The following CRBN variants were observed in gnomAD, a reference collection of about 807,000 sequenced individuals.
CRBN encodes cereblon.
Under a neutral mutation model 62.2 loss-of-function variants are expected in CRBN, and 53 were observed. The observed-to-expected ratio is 0.85, with a 90% CI of 0.68 to 1.07. The LOEUF is 1.07. Among genes scored for constraint, CRBN ranks in the 50% least tolerant of loss-of-function variants. The pLI, the probability that CRBN is intolerant of heterozygous loss-of-function variation, is 0.00. For synonymous variants in CRBN, 208 were observed against 176.1 expected (o/e 1.18, Z -1.43); for missense variants, 616 against 531.1 (o/e 1.16, Z -1.57).
In CRBN at chr3:3,150,363, T is replaced by C. The variant is rs1347462869; in HGVS notation, c.*502A>G. On this transcript the variant is annotated 3_prime_UTR_variant, in exon 11 of 11. Transcript: ENST00000231948. ...AAGAAAATGGAAAGGAACAAAGCCC[T>C]TTTAGAATAATTAATATACATTGCC... 1 of 151,544 alleles carries C rather than the reference T, an allele frequency of 6.6e-6. No homozygotes were observed. Among genetic ancestry groups the C allele is most frequent in the Non-Finnish European group, 1.5e-5 (1 of 68,212 alleles). 9.4% of individuals were successfully genotyped at this position (151,544 alleles called of 1,614,324 possible). A position where few individuals can be genotyped will look rare whatever the true frequency, so the allele number is the denominator to read the frequency against.
intron 4 of CRBN, among the ~76,000 whole-genome samples, chr3:3,168,355 T>C (rs141941679): frequency 6.6e-6 from 1 of 152,306 alleles, no homozygotes; most frequent in Non-Finnish European, 1.5e-5. Flanking sequence ...AGTTTAACTG[T>C]ACAAAGGATC....
rs764919339 is a variant in CRBN, at chr3:3,152,170, A to AGAC, written c.1148+283_1148+285dup. 7.9e-4 allele frequency among the ~76,000 whole-genome samples: 118 copies of AGAC among 150,062 alleles called. 2 individuals carry two copies. Among genetic ancestry groups the AGAC allele is most frequent in the Non-Finnish European group, 1.1e-3 (77 of 67,416 alleles). On this transcript the variant is annotated intron_variant, in intron 10 of 10. Coordinates refer to ENST00000231948, the MANE Select transcript of CRBN (RefSeq NM_016302.4). ...AATAAATTTTTTTTTTTTTTTAAAT[A>AGAC]GACAGATTCTCACTCTGTCACCCAG... is the stretch of plus-strand genomic sequence containing the variant.
chr3:3,174,456 C>A (rs781636077), intron 2 of CRBN, among the ~76,000 whole-genome samples, 195 bp from the exon 3 acceptor site: 1 of 152,042 alleles, frequency 6.6e-6, no homozygotes, highest in African/African-American at 2.4e-5. Context: ...ACCTGGCCAA[C>A]ATGGTGGAAC....
chr3:3,175,289 T>TA lies in CRBN; in HGVS notation c.68-21dup, dbSNP rs1435675300. The TA allele has an allele frequency of 1.3e-6, 2 of 1,492,696 alleles. No individual in the cohort carries two copies. Among genetic ancestry groups the TA allele is most frequent in the Admixed American group, 1.7e-5 (1 of 57,374 alleles). 92.5% of individuals were successfully genotyped at this position (1,492,696 alleles called of 1,614,324 possible). A position where few individuals can be genotyped will look rare whatever the true frequency, so the allele number is the denominator to read the frequency against. ...TCTCTGCTATAAAAGTAGAATATTG[T>TA]AAGAAAAAAAAAAAGATGAATGAAA... On this transcript the variant is annotated intron_variant, in intron 1 of 10. Coordinates refer to ENST00000231948, the MANE Select transcript of CRBN (RefSeq NM_016302.4).
rs74624259 is a variant in CRBN, at chr3:3,159,164, C to T, written c.688-2883G>A. ...TTTATAAATTACCCAGTCTTGGGTA[C>T]GTCTTAGCAGCGTGAGACCAGACTA... On this transcript the variant is annotated intron_variant, in intron 5 of 10. Coordinates refer to ENST00000231948, the MANE Select transcript of CRBN (RefSeq NM_016302.4). Among the ~76,000 whole-genome samples, 1,302 of 152,226 alleles carry T rather than the reference C, an allele frequency of 8.6e-3. 25 individuals carry two copies. The highest frequency in any genetic ancestry group is 0.03 in the African/African-American group (1,247 of 41,546).
intron 7 of CRBN, 163 bp downstream of exon 7, chr3:3,154,584 T>C (rs1453178638): frequency 2.1e-6 from 1 of 485,148 alleles, no homozygotes; most frequent in East Asian, 3.3e-5. Flanking sequence ...AATTTTAAAA[T>C]ACTCATTTTT....
intron 4 of CRBN, among the ~76,000 whole-genome samples, chr3:3,170,439 TG>T (rs1707558500): frequency 6.6e-6 from 1 of 152,218 alleles, no homozygotes; most frequent in Non-Finnish European, 1.5e-5. Context: ...GTTTCAAATG[TG>T]TTATAGAGAA....
chr3:3,164,355 C>T (rs1034560334), intron 5 of CRBN, among the ~76,000 whole-genome samples: 1 of 152,114 alleles, frequency 6.6e-6, no homozygotes, highest in Non-Finnish European at 1.5e-5. Context: ...CTGGTGAAAG[C>T]CAAAAAGTCT....
At chr3:3,157,666 C>T (rs1454383493) in intron 5 of CRBN, among the ~76,000 whole-genome samples, 1 of 152,116 alleles carries the variant, frequency 6.6e-6, no homozygotes. Flanking sequence ...GGACTCGGGA[C>T]TGAGCTGACA....
Position 3,150,707 on chromosome 3 carries a change from T to C in CRBN, c.*158A>G. 1.4e-6 allele frequency: 1 copy of C among 709,844 alleles called. No individual in the cohort carries two copies. The allele number at this position is 709,844 out of a possible 1,614,324, so 44.0% of individuals were successfully genotyped here. ...CTAAAGTATACTTAAAAGTTTCAAA[T>C]ACAGTTTCACTTAGAAACTGCAACC... On this transcript the variant is annotated 3_prime_UTR_variant, in exon 11 of 11. Transcript: ENST00000231948.
At position 3,150,884 on chromosome 3, in the gene CRBN, T is replaced by C. The variant is rs1706488543; in HGVS notation, c.1310A>G (p.Lys437Arg). The C allele has an allele frequency of 6.2e-7, 1 of 1,613,702 alleles. No homozygotes were observed. Among genetic ancestry groups the C allele is most frequent in the Non-Finnish European group, 8.5e-7 (1 of 1,179,842 alleles). Reference sequence around the variant, plus strand: ...ATCTGTTTACAAGCAAAGTATTACTTTGTCTGGACTTATTTCATCTTCAGT... The same window carrying C: ...ATCTGTTTACAAGCAAAGTATTACTCTGTCTGGACTTATTTCATCTTCAGT... Reference protein sequence around the residue: ...PDTEDEISPDKVILCL With the variant: ...PDTEDEISPDRVILCL The change falls in exon 11 of 11, where the codon AAA (lysine) becomes AGA (arginine). Residue 437 changes from lysine to arginine, a missense_variant. Lys to Arg is a conservative substitution (Grantham distance 26, BLOSUM62 2). Transcript: ENST00000231948.
chr3:3,169,004 G>C (rs1166284946), intron 4 of CRBN, among the ~76,000 whole-genome samples: 4 of 152,070 alleles, frequency 2.6e-5, no homozygotes, highest in Admixed American at 2.0e-4. Flanking sequence ...CATTATGAAG[G>C]TAAAAGTATA....
At chr3:3,179,594 C>A in intron 1 of CRBN, 27 bp downstream of exon 1, 1 of 1,610,704 alleles carries the variant, frequency 6.2e-7, no homozygotes, top group Non-Finnish European at 8.5e-7. Context: ...CCACTCCCGA[C>A]TACAGGGAAC....
chr3:3,174,230 C>G lies in CRBN; in HGVS notation c.206G>C (p.Gly69Ala). ...YLGADMEEFHGRTLHDDDSCQ... is the reference protein window; with the variant it reads ...YLGADMEEFHARTLHDDDSCQ... ...GCTGTCGTCATCGTGCAAAGTCCTG[C>G]CATGAAATTCTTCCATATCAGCACC... The change falls in exon 3 of 11, where the codon GGC becomes GCC. Residue 69 changes from glycine (G) to alanine (A), a missense_variant. Physicochemically the swap from Gly to Ala is moderately conservative, Grantham distance 60. Coordinates refer to ENST00000231948, the MANE Select transcript of CRBN (RefSeq NM_016302.4). The G allele has an allele frequency of 1.9e-6, 3 of 1,614,018 alleles. No homozygotes were observed. The highest frequency in any genetic ancestry group is 2.5e-6 in the Non-Finnish European group (3 of 1,179,950).
At chr3:3,158,873 G>A (rs1021067884) in intron 5 of CRBN, among the ~76,000 whole-genome samples, 1 of 152,168 alleles carries the variant, frequency 6.6e-6, no homozygotes, top group African/African-American at 2.4e-5. Flanking sequence ...ATCTTGAATT[G>A]TAGTTCCCAT....
At chr3:3,154,456 A>G in intron 7 of CRBN, 1 of 481,820 alleles carries the variant, frequency 2.1e-6, no homozygotes. Flanking sequence ...GAACAGGGAA[A>G]GGAGTCCTTA....
intron 5 of CRBN, among the ~76,000 whole-genome samples, chr3:3,156,936 G>T (rs1559245323): frequency 6.6e-6 from 1 of 152,078 alleles, no homozygotes; most frequent in African/African-American, 2.4e-5. Context: ...TAGAATTTCA[G>T]TATTTGAGGG....
intron 4 of CRBN, 58 bp downstream of exon 4, chr3:3,172,718 A>G: frequency 1.3e-6 from 2 of 1,537,888 alleles, no homozygotes; most frequent in South Asian, 2.2e-5. Flanking sequence ...AAAAAGTACA[A>G]GAAAACTATT....
chr3:3,165,415 A>G (rs1296849040), intron 5 of CRBN, among the ~76,000 whole-genome samples: 1 of 152,170 alleles, frequency 6.6e-6, no homozygotes, highest in East Asian at 1.9e-4. Flanking sequence ...TCTGTGGGGC[A>G]AACTTCGTTG....
Sources: allele counts gnomAD v4.1 joint callset (sites outside exome capture counted in the v4.1 genomes callset), GRCh38; gene constraint gnomAD v4.1.1; transcripts MANE v1.5; gene names NCBI Gene and HGNC (gene_info 2026-07-23, HGNC 2026-07-21).